SVEP1: variants seen among roughly 807,000 people sequenced by gnomAD.
SVEP1 encodes sushi, von Willebrand factor type A, EGF and pentraxin domain containing 1.
SVEP1 carries 164 observed loss-of-function variants against 367.3 expected under a neutral mutation model. The observed-to-expected ratio is 0.45, with a 90% CI of 0.39 to 0.51. The LOEUF (loss-of-function observed/expected upper bound fraction) is 0.51, where lower values mean the gene tolerates loss of function less well. Ranked by LOEUF, SVEP1 falls within the 20% of genes least tolerant of loss-of-function variation. The pLI, the probability that SVEP1 is intolerant of heterozygous loss-of-function variation, is 0.00. For missense variants in SVEP1, 4,117 were observed against 4,425.3 expected (o/e 0.93, Z 1.98); for synonymous variants, 1,666 against 1,611.6 (o/e 1.03, Z -0.81).
At position 110,379,492 on chromosome 9, in the gene SVEP1, G is replaced by A. The variant is rs200790939; in HGVS notation, c.10263C>T (p.His3421=). 80 of 1,613,576 alleles carry A rather than the reference G, an allele frequency of 5.0e-5. No individual in the cohort carries two copies. Among genetic ancestry groups the A allele is most frequent in the Middle Eastern group, 5.0e-4 (3 of 6,058 alleles). The change falls in exon 44 of 48, where the codon CAC becomes CAT. Residue 3421 remains histidine (H), a synonymous_variant. Coordinates refer to ENST00000374469, the MANE Select transcript of SVEP1 (RefSeq NM_153366.4). ...CGCCTCGAGCAATTGCATTTTCTACGTGAGCTGGTGGACCACATGAGATTT... is the reference window on the plus strand; with the variant it reads ...CGCCTCGAGCAATTGCATTTTCTACATGAGCTGGTGGACCACATGAGATTT... ...CEKISCGPPA[H]VENAIARGVH...
Position 110,389,603 on chromosome 9 carries a change from G to C in SVEP1, c.9823-16C>G. On this transcript the variant is annotated splice_polypyrimidine_tract_variant and intron_variant, in intron 40 of 47. Coordinates refer to ENST00000374469, the MANE Select transcript of SVEP1 (RefSeq NM_153366.4). ...CCCTGTTCCCCTGTGAAACAATGGA[G>C]AAAGGTCATCAAGATCATAACTCTA... 6.2e-7 allele frequency: 1 copy of C among 1,613,010 alleles called. No homozygotes were observed. Among genetic ancestry groups the C allele is most frequent in the Non-Finnish European group, 8.5e-7 (1 of 1,179,444 alleles).
At chr9:110,429,413 A>C (rs1828314839) in intron 34 of SVEP1, 79 bp from the exon 35 acceptor site, 2 of 1,012,446 alleles carry the variant, frequency 2.0e-6, no homozygotes, top group Non-Finnish European at 2.7e-6. Flanking sequence ...AACCTCTAAA[A>C]ATATTAAGAA....
At position 110,400,937 on chromosome 9, in the gene SVEP1, G is replaced by C. The variant is rs774195571; in HGVS notation, c.9739C>G (p.Pro3247Ala). ...CTGCCAACCACAAATCCATGTTCTG[G>C]ACTTTCAGGTTTCCCACAAGAAACT... ...SPVSCGKPES[P>A]EHGFVVGSKY... The change falls in exon 40 of 48, where the codon CCA becomes GCA. Residue 3247 changes from proline to alanine, a missense_variant. Pro to Ala is a conservative substitution (Grantham distance 27, BLOSUM62 -1). Coordinates refer to ENST00000374469, the MANE Select transcript of SVEP1 (RefSeq NM_153366.4). 1.9e-6 allele frequency: 3 copies of C among 1,613,864 alleles called. No homozygotes were observed. Among genetic ancestry groups the C allele is most frequent in the Non-Finnish European group, 2.5e-6 (3 of 1,179,828 alleles).
intron 3 of SVEP1, among the ~76,000 whole-genome samples, chr9:110,518,528 C>T (rs80119801): frequency 0.012 from 1,830 of 152,074 alleles, 40 homozygotes; most frequent in African/African-American, 0.042. Context: ...AACCAGGCTG[C>T]GCTCAAACTC....
intron 35 of SVEP1, among the ~76,000 whole-genome samples, chr9:110,428,216 G>A (rs942858872): frequency 6.6e-6 from 1 of 152,044 alleles, no homozygotes; most frequent in African/African-American, 2.4e-5. Context: ...TCTGACCTCT[G>A]GTCTTCCTTT....
intron 1 of SVEP1, among the ~76,000 whole-genome samples, chr9:110,572,509 T>C (rs1360482312): frequency 6.6e-6 from 1 of 152,140 alleles, no homozygotes; most frequent in African/African-American, 2.4e-5. Flanking sequence ...ATACATGTAG[T>C]GCTAGATTAA....
chr9:110,369,293 A>G (rs750424568), intron 47 of SVEP1, among the ~76,000 whole-genome samples: 1 of 152,292 alleles, frequency 6.6e-6, no homozygotes, highest in South Asian at 2.1e-4. Flanking sequence ...TTAAACTGTG[A>G]TATTTATCTG....
chr9:110,438,003 T>A (rs967924068), intron 27 of SVEP1, among the ~76,000 whole-genome samples: 1 of 151,956 alleles, frequency 6.6e-6, no homozygotes. Flanking sequence ...TATTTAATAG[T>A]TTTTTGTATT....
chr9:110,554,652 T>G (rs958287225), intron 1 of SVEP1, among the ~76,000 whole-genome samples: 16 of 152,058 alleles, frequency 1.1e-4, no homozygotes, highest in African/African-American at 3.4e-4. Flanking sequence ...TCATTTTGAG[T>G]ATCAATAAAA....
Position 110,476,335 on chromosome 9 carries a change from A to G in SVEP1, c.2488-20T>C. ...TGGGACCTGCAAGTAAAAAATGAAG[A>G]GGATAAAGTGTAAATCACTTTTCTG... On this transcript the variant is annotated intron_variant, in intron 13 of 47. Coordinates refer to ENST00000374469, the MANE Select transcript of SVEP1 (RefSeq NM_153366.4). 2.6e-6 allele frequency: 4 copies of G among 1,568,604 alleles called. 1 individual carries two copies. The highest frequency in any genetic ancestry group is 1.7e-5 in the Admixed American group (1 of 59,692).
chr9:110,489,762 A>T lies in SVEP1; in HGVS notation c.1818T>A (p.His606Gln). The part of the protein sequence containing the change: ...NSGEKVSVHV[H>Q]PAFTPPYLFP... The stretch of plus-strand genomic sequence containing the variant: ...AAAGGTAAGGTGGGGTGAAAGCTGG[A>T]TGAACGTGGACTGACACCTATTGGA... The change falls in exon 9 of 48, where the codon CAT becomes CAA. Residue 606 changes from histidine (H) to glutamine (Q), a missense_variant. Around this residue, in one of 4 missense-constraint regions of SVEP1, gnomAD observed 2,174 missense variants for 2,494.3 expected, o/e 0.87. Coordinates refer to ENST00000374469, the MANE Select transcript of SVEP1 (RefSeq NM_153366.4). 6.2e-7 allele frequency: 1 copy of T among 1,613,272 alleles called. No individual in the cohort carries two copies. The highest frequency in any genetic ancestry group is 2.2e-5 in the East Asian group (1 of 44,872).
chr9:110,399,543 T>C (rs2118991730), intron 40 of SVEP1, among the ~76,000 whole-genome samples: 1 of 152,204 alleles, frequency 6.6e-6, no homozygotes, highest in South Asian at 2.1e-4. Flanking sequence ...TTTTTTGTTT[T>C]TGTTTTTGAG....
chr9:110,554,395 G>T (rs946432297), intron 1 of SVEP1, among the ~76,000 whole-genome samples: 1 of 152,092 alleles, frequency 6.6e-6, no homozygotes, highest in African/African-American at 2.4e-5. Flanking sequence ...ACAGACCAAG[G>T]ACCAGCCCCA....
At chr9:110,409,779 T>TA (rs1309508059) in intron 37 of SVEP1, among the ~76,000 whole-genome samples, 15 of 152,206 alleles carry the variant, frequency 9.9e-5, no homozygotes, top group African/African-American at 3.6e-4. Flanking sequence ...AATAATATCC[T>TA]ATCTTTTAAA....
rs768498403 is a variant in SVEP1 at position 110,379,534 on chromosome 9, C to T, written c.10238-17G>A. On this transcript the variant is annotated splice_polypyrimidine_tract_variant and intron_variant, in intron 43 of 47. Coordinates refer to ENST00000374469, the MANE Select transcript of SVEP1 (RefSeq NM_153366.4). ...ATGAGATTTCTACAGGATAACAAAA[C>T]AACAATTAAGCTTGTGCTATTAACA... The T allele has an allele frequency of 2.4e-5, 38 of 1,612,810 alleles. No homozygotes were observed. Among genetic ancestry groups the T allele is most frequent in the South Asian group, 2.1e-4 (19 of 90,944 alleles).
chr9:110,478,368 C>G (rs1301633642), intron 13 of SVEP1, among the ~76,000 whole-genome samples: 1 of 152,190 alleles, frequency 6.6e-6, no homozygotes, highest in East Asian at 1.9e-4. Flanking sequence ...TTATTCAGAT[C>G]TAAATCCCTA....
intron 17 of SVEP1, among the ~76,000 whole-genome samples, chr9:110,467,071 A>G (rs1280332881): frequency 2.0e-5 from 3 of 152,124 alleles, no homozygotes; most frequent in African/African-American, 7.2e-5. Context: ...GCACTGCTCT[A>G]GAGTTTATAT....
Position 110,565,131 on chromosome 9 carries a change from A to G in SVEP1, c.531+13882T>C, listed in dbSNP as rs557154991. On this transcript the variant is annotated intron_variant, in intron 1 of 47. Coordinates refer to ENST00000374469, the MANE Select transcript of SVEP1 (RefSeq NM_153366.4). ...CCTGAAGAAAGTACTAAAATAGTCA[A>G]AAGGAATTGGGTTTTTGTTTTCTTT... Among the ~76,000 whole-genome samples, 7 of 152,296 alleles carry G rather than the reference A, an allele frequency of 4.6e-5. No homozygotes were observed. The South Asian group carries it at 1.5e-3, about 32-fold the overall frequency.
At position 110,495,228 on chromosome 9, in the gene SVEP1, C is replaced by T. The variant is rs140154501; in HGVS notation, c.1800+1587G>A. ...TCAAGTTCTTCCCCCATGTAGTAGG[C>T]TGAATAACGGCCCCCCCAAAGATCA... On this transcript the variant is annotated intron_variant, in intron 8 of 47. Transcript: ENST00000374469. Among the ~76,000 whole-genome samples the T allele has an allele frequency of 1.4e-3, 210 of 152,174 alleles. 1 individual carries two copies. The highest frequency in any genetic ancestry group is 5.0e-3 in the African/African-American group (208 of 41,546).
Sources: gnomAD v4.1 joint callset for allele counts (sites outside exome capture counted in the v4.1 genomes callset) on GRCh38, gnomAD v4.1.1 for gene constraint, gnomAD v4.1.1 regional missense constraint, MANE v1.5 for transcripts, NCBI Gene and HGNC (gene_info 2026-07-23, HGNC 2026-07-21) for gene names.